Variants in ZNF385D observed in about 807,000 individuals in gnomAD.
ZNF385D encodes zinc finger protein 659.
A neutral mutation model predicts 35.8 loss-of-function variants in ZNF385D; 15 were observed. The ratio of observed to expected loss-of-function variants is 0.42; its 90% CI spans 0.28 to 0.64. The LOEUF (loss-of-function observed/expected upper bound fraction) is 0.64, where lower values mean the gene tolerates loss of function less well. ZNF385D is among the 30% of genes least tolerant of loss of function. The probability of loss-of-function intolerance (pLI) is 0.23; values close to 1 mark genes in which losing one functional copy is unlikely to be tolerated. For missense variants in ZNF385D, 474 were observed against 494.6 expected (o/e 0.96, Z 0.39); for synonymous variants, 212 against 186.8 (o/e 1.13, Z -1.10).
At position 21,646,416 on chromosome 3, in the gene ZNF385D, A is replaced by G. The variant is rs1350097076; in HGVS notation, c.165+18470T>C. On this transcript the variant is annotated intron_variant, in intron 2 of 7. Transcript: ENST00000281523. The surrounding 1 kb of genome is among the most constrained non-coding windows in gnomAD (Gnocchi z 4.3). ...AGAAAGGTGAAGTAAGTGGACTGAGAGCCACAGCTCCCAAGGGCAGTGCTT... is the reference window on the plus strand; with the variant it reads ...AGAAAGGTGAAGTAAGTGGACTGAGGGCCACAGCTCCCAAGGGCAGTGCTT... Among the ~76,000 whole-genome samples, 1 of 152,202 alleles carries G rather than the reference A, an allele frequency of 6.6e-6. No individual in the cohort carries two copies. Among genetic ancestry groups the G allele is most frequent in the African/African-American group, 2.4e-5 (1 of 41,452 alleles).
At chr3:21,710,108 T>A (rs1387818) in intron 1 of ZNF385D, among the ~76,000 whole-genome samples, 104,175 of 151,978 alleles carry the variant, frequency 0.69, 35,782 homozygotes, top group East Asian at 0.74. Flanking sequence ...CAGAAACAGA[T>A]ATCAGACAAG....
intron 3 of ZNF385D, among the ~76,000 whole-genome samples, chr3:21,550,901 C>T (rs1022878759): frequency 6.6e-6 from 1 of 152,154 alleles, no homozygotes; most frequent in African/African-American, 2.4e-5. Context: ...AGGTTTCTTC[C>T]CTTCTGATTT....
At chr3:21,448,863 C>CG (rs71044919) in intron 4 of ZNF385D, among the ~76,000 whole-genome samples, 4 of 151,912 alleles carry the variant, frequency 2.6e-5, no homozygotes, top group Non-Finnish European at 5.9e-5. Flanking sequence ...CAAACTGCCC[C>CG]AGCACCAAAA....
intron 3 of ZNF385D, among the ~76,000 whole-genome samples, chr3:22,115,840 A>G (rs1395884285): frequency 6.6e-6 from 1 of 152,108 alleles, no homozygotes; most frequent in Non-Finnish European, 1.5e-5. Context: ...ACCTACTAAG[A>G]AAACAGGTTT....
chr3:22,065,956 C>A (rs573014093), intron 3 of ZNF385D, among the ~76,000 whole-genome samples: 1 of 152,024 alleles, frequency 6.6e-6, no homozygotes, highest in East Asian at 1.9e-4. Context: ...GTATCTGAGG[C>A]TCAGTTTTGA....
intron 3 of ZNF385D, among the ~76,000 whole-genome samples, chr3:21,887,268 T>C (rs981066882): frequency 2.0e-5 from 3 of 152,226 alleles, no homozygotes; most frequent in Admixed American, 6.6e-5. Context: ...TGTTTCTAAG[T>C]ATGCCCCTTA....
chr3:21,679,936 G>C (rs1288324449), intron 1 of ZNF385D, among the ~76,000 whole-genome samples: 3 of 152,110 alleles, frequency 2.0e-5, no homozygotes, highest in Admixed American at 6.6e-5. Context: ...GATCAACCAA[G>C]AGTGTGGCAT....
chr3:22,191,770 C>T (rs533570069), intron 2 of ZNF385D, among the ~76,000 whole-genome samples: 1 of 152,124 alleles, frequency 6.6e-6, no homozygotes, highest in African/African-American at 2.4e-5. Flanking sequence ...AAAATAAAGA[C>T]TATCATTAAA....
chr3:21,718,456 G>A (rs1194502398), intron 1 of ZNF385D, among the ~76,000 whole-genome samples: 9 of 152,166 alleles, frequency 5.9e-5, no homozygotes, highest in Non-Finnish European at 8.8e-5. Context: ...TGATAACAAC[G>A]AAAGCCAGTA....
At chr3:22,179,918 G>A (rs912951687) in intron 2 of ZNF385D, among the ~76,000 whole-genome samples, 1 of 152,042 alleles carries the variant, frequency 6.6e-6, no homozygotes, top group Non-Finnish European at 1.5e-5. Flanking sequence ...CTAGCAGAAG[G>A]CAAGAAATAA....
chr3:22,302,976 T>C (rs1415765061), intron 2 of ZNF385D, among the ~76,000 whole-genome samples: 3 of 152,150 alleles, frequency 2.0e-5, no homozygotes, highest in Non-Finnish European at 4.4e-5. Context: ...GTGTAAAATT[T>C]TAACTAATTT....
intron 2 of ZNF385D, among the ~76,000 whole-genome samples, chr3:22,310,062 C>G (rs1472457010): frequency 6.6e-6 from 1 of 151,920 alleles, no homozygotes; most frequent in East Asian, 1.9e-4. Context: ...AGAAATAAGA[C>G]CTCCAATAAA....
chr3:21,901,813 GTTAT>G (rs1046816650), intron 3 of ZNF385D, among the ~76,000 whole-genome samples: 3 of 152,156 alleles, frequency 2.0e-5, no homozygotes, highest in Admixed American at 6.6e-5. Flanking sequence ...AGACTAACAG[GTTAT>G]TTGAGGTTAA....
chr3:21,620,986 ATGTG>A (rs755146147), intron 2 of ZNF385D, among the ~76,000 whole-genome samples: 55 of 151,566 alleles, frequency 3.6e-4, no homozygotes, highest in Non-Finnish European at 6.8e-4. Context: ...AGGCATGCAC[ATGTG>A]TGTGTGCGCA....
Position 21,447,534 on chromosome 3 carries a change from C to T in ZNF385D, c.440-10331G>A, listed in dbSNP as rs547322109. ...TCAAGGTATGGTTTTTCAGTGATTG[C>T]CTTTGGTAGTTCATCTGTTTAACAT... On this transcript the variant is annotated intron_variant, in intron 4 of 7. Coordinates refer to ENST00000281523, the MANE Select transcript of ZNF385D (RefSeq NM_024697.3). Among the ~76,000 whole-genome samples the T allele has an allele frequency of 2.6e-5, 4 of 152,276 alleles. No individual in the cohort carries two copies. The South Asian group carries it at 8.3e-4, about 32-fold the overall frequency.
At chr3:21,709,227 T>C (rs1052547966) in intron 1 of ZNF385D, among the ~76,000 whole-genome samples, 24 of 152,176 alleles carry the variant, frequency 1.6e-4, no homozygotes, top group South Asian at 4.1e-4. Context: ...TCAGAAACAA[T>C]GATACACATA....
chr3:22,180,596 T>G (rs536986718), intron 2 of ZNF385D, among the ~76,000 whole-genome samples: 1 of 152,292 alleles, frequency 6.6e-6, no homozygotes, highest in South Asian at 2.1e-4. Flanking sequence ...CATGATCAAG[T>G]GGGCTTCATC....
At chr3:22,309,028 T>C (rs1389392318) in intron 2 of ZNF385D, among the ~76,000 whole-genome samples, 1 of 152,092 alleles carries the variant, frequency 6.6e-6, no homozygotes, top group Non-Finnish European at 1.5e-5. Context: ...TTCTCTGTAC[T>C]TGTATGAAAA....
rs1446885035 is a variant in ZNF385D at position 22,171,281 on chromosome 3, A to G, written c.107-2246T>C. 2.6e-5 allele frequency among the ~76,000 whole-genome samples: 4 copies of G among 152,300 alleles called. No individual in the cohort carries two copies. In the East Asian group the frequency reaches 5.8e-4, roughly 22 times the overall value. On this transcript the variant is annotated intron_variant, in intron 2 of 5. Coordinates refer to the ZNF385D transcript ENST00000494108. ...AATGTATGCATATATTTGGAAGAAAATATTTTCTTATTTGATTCACATTTC... is the reference window on the plus strand; with the variant it reads ...AATGTATGCATATATTTGGAAGAAAGTATTTTCTTATTTGATTCACATTTC...
Sources: gnomAD v4.1 joint callset for allele counts (sites outside exome capture counted in the v4.1 genomes callset) on GRCh38, gnomAD v4.1.1 for gene constraint, Gnocchi (gnomAD v3.1) non-coding constraint, MANE v1.5 for transcripts, NCBI Gene and HGNC (gene_info 2026-07-23, HGNC 2026-07-21) for gene names.